AGAP1: variants seen among roughly 807,000 people sequenced by gnomAD.
AGAP1 encodes the protein arf-GAP with GTPase, ANK repeat and PH domain-containing protein 1.
A neutral mutation model predicts 105.3 loss-of-function variants in AGAP1; 29 were observed. That is an observed-to-expected ratio of 0.28 (90% CI 0.21 to 0.38). The LOEUF is 0.38. AGAP1 is among the 10% of genes least tolerant of loss of function. AGAP1 has a pLI of 1.00. For synonymous variants in AGAP1, 509 were observed against 485.9 expected (o/e 1.05, Z -0.63); for missense variants, 998 against 1,165.1 (o/e 0.86, Z 2.09).
intron 13 of AGAP1, among the ~76,000 whole-genome samples, chr2:236,006,254 T>C (rs1228555293): frequency 2.0e-5 from 3 of 152,160 alleles, no homozygotes; most frequent in Admixed American, 1.3e-4. Context: ...AGCACTTTCC[T>C]TCCTTTCTGT....
Position 235,897,488 on chromosome 2 carries a change from AGT to A in AGAP1, c.1156-11246_1156-11245del, listed in dbSNP as rs1022726939. ...TGTTTCTATAAATAGCAGATTTAAC[AGT>A]GTGGCTGGAGGGTTTGAGTCTCTAA... On this transcript the variant is annotated intron_variant, in intron 10 of 17. Transcript: ENST00000304032. 2.2e-3 allele frequency among the ~76,000 whole-genome samples: 335 copies of A among 152,356 alleles called. 1 individual carries two copies. Among genetic ancestry groups the A allele is most frequent in the African/African-American group, 7.8e-3 (324 of 41,590 alleles).
chr2:235,983,891 A>G lies in AGAP1; in HGVS notation c.1645+15268A>G, dbSNP rs1482178270. On this transcript the variant is annotated intron_variant, in intron 13 of 17. Transcript: ENST00000304032. This position sits in a 1 kb window ranked among gnomAD's most constrained non-coding sequence, Gnocchi z 4.5. ...GAATGCATCACTTAACGATGGGGATACATGGCTGTATGTAACATAAAATTT... is the reference window on the plus strand; with the variant it reads ...GAATGCATCACTTAACGATGGGGATGCATGGCTGTATGTAACATAAAATTT... Among the ~76,000 whole-genome samples, 2 of 152,242 alleles carry G rather than the reference A, an allele frequency of 1.3e-5. No individual in the cohort carries two copies. The highest frequency in any genetic ancestry group is 2.4e-5 in the African/African-American group (1 of 41,466).
Position 235,908,935 on chromosome 2 carries a change from T to G in AGAP1, c.1324+29T>G, listed in dbSNP as rs1205531171. On this transcript the variant is annotated intron_variant, in intron 11 of 17. Coordinates refer to ENST00000304032, the MANE Select transcript of AGAP1 (RefSeq NM_001037131.3). The surrounding 1 kb of genome is among the most constrained non-coding windows in gnomAD (Gnocchi z 4.4). Reference sequence around the variant, plus strand: ...AGCTTACAGCAAATGCACTAACAAATCAAGTTCAACAGCAACAGGTGGTCC... The same window carrying G: ...AGCTTACAGCAAATGCACTAACAAAGCAAGTTCAACAGCAACAGGTGGTCC... 6.3e-7 allele frequency: 1 copy of G among 1,592,626 alleles called. No homozygotes were observed. The highest frequency in any genetic ancestry group is 8.6e-7 in the Non-Finnish European group (1 of 1,163,604).
rs561605743 is a variant in AGAP1, at chr2:236,129,018, C to T, written c.*4896C>T. ...AAAGGAAATGTAATTTATTTCCAACCGCTGCCTCAGACGGGGGTTTCACAT... is the reference window on the plus strand; with the variant it reads ...AAAGGAAATGTAATTTATTTCCAACTGCTGCCTCAGACGGGGGTTTCACAT... On this transcript the variant is annotated 3_prime_UTR_variant, in exon 18 of 18. Transcript: ENST00000304032. The surrounding 1 kb of genome is among the most constrained non-coding windows in gnomAD (Gnocchi z 6.2). The T allele has an allele frequency of 3.3e-5, 5 of 152,340 alleles. No individual in the cohort carries two copies. The highest frequency in any genetic ancestry group is 2.1e-4 in the South Asian group (1 of 4,822). 9.4% of individuals were successfully genotyped at this position (152,340 alleles called of 1,614,324 possible). A position where few individuals can be genotyped will look rare whatever the true frequency, so the allele number is the denominator to read the frequency against.
At chr2:235,676,746 CA>C (rs1211589126) in intron 1 of AGAP1, among the ~76,000 whole-genome samples, 1 of 152,080 alleles carries the variant, frequency 6.6e-6, no homozygotes, top group Admixed American at 6.5e-5. Context: ...AGGCTATTGT[CA>C]ATTTGTTTTC....
At chr2:235,661,686 G>A (rs1947960916) in intron 1 of AGAP1, among the ~76,000 whole-genome samples, 1 of 152,200 alleles carries the variant, frequency 6.6e-6, no homozygotes, top group Admixed American at 6.5e-5. Flanking sequence ...CCCAGGTGAA[G>A]CCCCTGCTGC....
At chr2:236,079,265 A>G (rs1210714278) in intron 16 of AGAP1, among the ~76,000 whole-genome samples, 3,262 of 151,936 alleles carry the variant, frequency 0.021, 51 homozygotes, top group African/African-American at 0.045. Context: ...TACACCTGTA[A>G]TCCCAGCACT....
chr2:235,958,001 A>C lies in AGAP1; in HGVS notation c.1484-10461A>C, dbSNP rs1020457548. Among the ~76,000 whole-genome samples the C allele has an allele frequency of 6.6e-6, 1 of 152,210 alleles. No individual in the cohort carries two copies. Among genetic ancestry groups the C allele is most frequent in the Non-Finnish European group, 1.5e-5 (1 of 68,026 alleles). ...GGTGTGGGTGGAAGTCAGCAGGGGC[A>C]GGGGGCCGATACATACGTGCTTAGC... On this transcript the variant is annotated intron_variant, in intron 12 of 17. Transcript: ENST00000304032. This position sits in a 1 kb window ranked among gnomAD's most constrained non-coding sequence, Gnocchi z 4.1.
Position 235,965,536 on chromosome 2 carries a change from T to G in AGAP1, c.1484-2926T>G, listed in dbSNP as rs1458838125. 1.3e-5 allele frequency among the ~76,000 whole-genome samples: 2 copies of G among 152,180 alleles called. No homozygotes were observed. The highest frequency in any genetic ancestry group is 2.9e-5 in the Non-Finnish European group (2 of 68,026). ...TGTCTGGAGAGGTCTGCAGCGGTTT[T>G]GAGCAGACCTGACCGAGCTCTGTGA... On this transcript the variant is annotated intron_variant, in intron 12 of 17. Transcript: ENST00000304032. The surrounding 1 kb of genome is among the most constrained non-coding windows in gnomAD (Gnocchi z 5.8).
intron 1 of AGAP1, among the ~76,000 whole-genome samples, chr2:235,545,391 A>T (rs1051118331): frequency 1.3e-5 from 2 of 152,192 alleles, no homozygotes; most frequent in African/African-American, 4.8e-5. Flanking sequence ...CCTCCTAGTC[A>T]CAGTTCTGCA....
chr2:236,113,258 GC>G lies in AGAP1; in HGVS notation c.2115-6927del, dbSNP rs34824332. On this transcript the variant is annotated intron_variant, in intron 16 of 17. Coordinates refer to ENST00000304032, the MANE Select transcript of AGAP1 (RefSeq NM_001037131.3). This position sits in a 1 kb window ranked among gnomAD's most constrained non-coding sequence, Gnocchi z 4.3. ...CGGGTTCAAGCAATTCTCTGCCTCA[GC>G]CCCCCCGAGTAGCTGGGATTACAGG... Among the ~76,000 whole-genome samples the G allele has an allele frequency of 0.099, 14,994 of 152,088 alleles. 810 individuals are homozygous for G. The highest frequency in any genetic ancestry group is 0.18 in the Middle Eastern group (52 of 294).
At chr2:235,920,132 T>C (rs1446208397) in intron 11 of AGAP1, among the ~76,000 whole-genome samples, 1 of 152,196 alleles carries the variant, frequency 6.6e-6, no homozygotes, top group Admixed American at 6.5e-5. Flanking sequence ...AATTTGTCAT[T>C]GCAACTGGGT....
chr2:236,044,151 T>C lies in AGAP1; in HGVS notation c.1891+3310T>C, dbSNP rs1028384469. Among the ~76,000 whole-genome samples the C allele has an allele frequency of 6.6e-6, 1 of 152,126 alleles. No individual in the cohort carries two copies. The highest frequency in any genetic ancestry group is 1.5e-5 in the Non-Finnish European group (1 of 68,024). ...TGGGAAACTCTTAACAACGTCCGACTCCCAGGAAGTTGCAGCCTTCGGACA... is the reference window on the plus strand; with the variant it reads ...TGGGAAACTCTTAACAACGTCCGACCCCCAGGAAGTTGCAGCCTTCGGACA... On this transcript the variant is annotated intron_variant, in intron 15 of 17. Coordinates refer to ENST00000304032, the MANE Select transcript of AGAP1 (RefSeq NM_001037131.3). This position sits in a 1 kb window ranked among gnomAD's most constrained non-coding sequence, Gnocchi z 5.7.
intron 12 of AGAP1, among the ~76,000 whole-genome samples, chr2:235,938,733 A>C (rs1054963743): frequency 1.3e-5 from 2 of 152,068 alleles, no homozygotes; most frequent in African/African-American, 4.8e-5. Context: ...CCACATTTTG[A>C]GAAAGACATC....
Position 235,973,468 on chromosome 2 carries a change from T to C in AGAP1, c.1645+4845T>C, listed in dbSNP as rs2054736940. Among the ~76,000 whole-genome samples, 1 of 152,068 alleles carries C rather than the reference T, an allele frequency of 6.6e-6. No homozygotes were observed. Among genetic ancestry groups the C allele is most frequent in the Non-Finnish European group, 1.5e-5 (1 of 68,014 alleles). On this transcript the variant is annotated intron_variant, in intron 13 of 17. Transcript: ENST00000304032. This position sits in a 1 kb window ranked among gnomAD's most constrained non-coding sequence, Gnocchi z 4.7. ...GATGGGCTGCTGTGCTGCGTGGTCA[T>C]TGAGACCAATGGAAGGAAATTGAGA...
chr2:236,090,677 T>G lies in AGAP1; in HGVS notation c.2115-29515T>G, dbSNP rs544834647. Among the ~76,000 whole-genome samples the G allele has an allele frequency of 2.0e-5, 3 of 152,294 alleles. No individual in the cohort carries two copies. The East Asian group carries it at 5.8e-4, about 29-fold the overall frequency. On this transcript the variant is annotated intron_variant, in intron 16 of 17. Transcript: ENST00000304032. The surrounding 1 kb of genome is among the most constrained non-coding windows in gnomAD (Gnocchi z 4.3). ...GTCTTCCTGGTTATACGGCCCAGCT[T>G]GCAAACATAATCCTTCCTTGTTTTT...
At position 235,874,739 on chromosome 2, in the gene AGAP1, G is replaced by T. The variant is rs2049624905; in HGVS notation, c.1051-8606G>T. 6.6e-6 allele frequency among the ~76,000 whole-genome samples: 1 copy of T among 152,182 alleles called. No homozygotes were observed. Among genetic ancestry groups the T allele is most frequent in the African/African-American group, 2.4e-5 (1 of 41,446 alleles). On this transcript the variant is annotated intron_variant, in intron 9 of 17. Coordinates refer to ENST00000304032, the MANE Select transcript of AGAP1 (RefSeq NM_001037131.3). This position sits in a 1 kb window ranked among gnomAD's most constrained non-coding sequence, Gnocchi z 4.5. ...AACCTGGACATGTGAATGTGAAAGA[G>T]AAGGCACTCATGTATAGAACTCATT...
chr2:235,580,999 T>A (rs1944911759), intron 1 of AGAP1, among the ~76,000 whole-genome samples: 1 of 152,050 alleles, frequency 6.6e-6, no homozygotes, highest in Non-Finnish European at 1.5e-5. Context: ...CTCTGATCCT[T>A]ACAGTAATCC....
chr2:235,864,945 T>C lies in AGAP1; in HGVS notation c.1051-18400T>C, dbSNP rs2049089500. Among the ~76,000 whole-genome samples the C allele has an allele frequency of 6.6e-6, 1 of 152,184 alleles. No homozygotes were observed. Among genetic ancestry groups the C allele is most frequent in the Non-Finnish European group, 1.5e-5 (1 of 68,034 alleles). On this transcript the variant is annotated intron_variant, in intron 9 of 17. Transcript: ENST00000304032. This position sits in a 1 kb window ranked among gnomAD's most constrained non-coding sequence, Gnocchi z 5.0. Reference sequence around the variant, plus strand: ...TGTGAACCATACATCTCGTCGGCATTACTCATCGTCAACATGGGTTTTTAA... The same window carrying C: ...TGTGAACCATACATCTCGTCGGCATCACTCATCGTCAACATGGGTTTTTAA...
Sources: gnomAD v4.1 joint callset for allele counts (sites outside exome capture counted in the v4.1 genomes callset) on GRCh38, gnomAD v4.1.1 for gene constraint, Gnocchi (gnomAD v3.1) non-coding constraint, MANE v1.5 for transcripts, NCBI Gene and HGNC (gene_info 2026-07-23, HGNC 2026-07-21) for gene names.